CTBP2: variants seen among roughly 807,000 people sequenced by gnomAD.
The protein encoded by CTBP2 is C-terminal binding protein 2, also known as C-terminal-binding protein 2.
A neutral mutation model predicts 80.3 loss-of-function variants in CTBP2; 30 were observed. The ratio of observed to expected loss-of-function variants is 0.37; its 90% CI spans 0.28 to 0.51. The LOEUF (loss-of-function observed/expected upper bound fraction) is 0.51. CTBP2 is among the 20% of genes least tolerant of loss of function. CTBP2 has a pLI of 0.93. For synonymous variants in CTBP2, 594 were observed against 587.4 expected (o/e 1.01, Z -0.16); for missense variants, 1,212 against 1,375.3 (o/e 0.88, Z 1.88).
At chr10:125,005,891 T>C (rs530282805) in intron 1 of CTBP2, 1 of 1,523,986 alleles carries the variant, frequency 6.6e-7, no homozygotes. Flanking sequence ...TCGGAGAGAG[T>C]GCCTGATTAT....
At chr10:125,022,950 A>C (rs1253266888) in intron 1 of CTBP2, among the ~76,000 whole-genome samples, 1 of 152,194 alleles carries the variant, frequency 6.6e-6, no homozygotes, top group African/African-American at 2.4e-5. Context: ...ACAGATTCTG[A>C]TAGGGCTAAA....
chr10:125,026,117 G>T lies in CTBP2; in HGVS notation c.1643C>A (p.Pro548His), dbSNP rs761688386. The change falls in exon 1 of 9, where the codon CCC (proline) becomes CAC (histidine). Residue 548 changes from proline to histidine, a missense_variant. Physicochemically the swap from Pro to His is moderately conservative, Grantham distance 77. This residue lies in a region of CTBP2 where 848 missense variants were observed against 782.3 expected (regional missense o/e 1.08). Coordinates refer to ENST00000309035, the MANE Select transcript of CTBP2 (RefSeq NM_022802.3). ...TGCAAGCATGGTGGACACGATGATGGGTGCCCCTGTGCGCCGGGCCACCTT... is the reference window on the plus strand; with the variant it reads ...TGCAAGCATGGTGGACACGATGATGTGTGCCCCTGTGCGCCGGGCCACCTT... The T allele has an allele frequency of 2.6e-5, 41 of 1,586,894 alleles. No homozygotes were observed. In the South Asian group the frequency reaches 4.6e-4, roughly 18 times the overall value.
chr10:124,995,693 C>T (rs527766201), intron 4 of CTBP2, among the ~76,000 whole-genome samples: 8 of 152,316 alleles, frequency 5.3e-5, no homozygotes, highest in Admixed American at 2.6e-4. Context: ...TCAGGGACAG[C>T]TGCAGGACAA....
chr10:125,041,412 C>T (rs930001308), intron 2 of CTBP2, among the ~76,000 whole-genome samples: 1 of 149,736 alleles, frequency 6.7e-6, no homozygotes, highest in Admixed American at 6.7e-5. Context: ...GGTAACCACA[C>T]AAAAAAAGAG....
chr10:125,036,501 T>A (rs548129173), intron 3 of CTBP2, among the ~76,000 whole-genome samples: 3 of 120,048 alleles, frequency 2.5e-5, no homozygotes, highest in Non-Finnish European at 5.5e-5. Context: ...TTTAATCATT[T>A]AGAAAGAAAA....
intron 2 of CTBP2, among the ~76,000 whole-genome samples, chr10:125,074,768 C>T (rs1437309563): frequency 1.3e-5 from 2 of 152,204 alleles, no homozygotes; most frequent in Admixed American, 6.5e-5. Context: ...GTAGTACTTC[C>T]GTTTCCTTGG....
At chr10:125,153,661 C>T (rs577281830) in intron 1 of CTBP2, among the ~76,000 whole-genome samples, 1 of 152,318 alleles carries the variant, frequency 6.6e-6, no homozygotes, top group Admixed American at 6.5e-5. Context: ...ATTCTGGCCA[C>T]TTACACCATA....
At chr10:125,117,705 C>T (rs1213757877) in intron 1 of CTBP2, among the ~76,000 whole-genome samples, 1 of 152,216 alleles carries the variant, frequency 6.6e-6, no homozygotes. Flanking sequence ...CTGGATTATT[C>T]CTTCCCGAGA....
At chr10:125,091,046 TA>T (rs1848688994) in intron 2 of CTBP2, among the ~76,000 whole-genome samples, 1 of 152,196 alleles carries the variant, frequency 6.6e-6, no homozygotes, top group South Asian at 2.1e-4. Context: ...GATGCTAGCA[TA>T]CATGGTTCTG....
At chr10:125,010,811 G>A (rs921199497) in intron 1 of CTBP2, among the ~76,000 whole-genome samples, 7 of 152,114 alleles carry the variant, frequency 4.6e-5, no homozygotes, top group African/African-American at 1.4e-4. Context: ...CTTAGAAAGC[G>A]GTGATGGCTG....
chr10:125,061,692 C>T (rs1442233565), intron 2 of CTBP2, among the ~76,000 whole-genome samples: 1 of 152,182 alleles, frequency 6.6e-6, no homozygotes, highest in Non-Finnish European at 1.5e-5. Context: ...CAGACGGAGC[C>T]CCCGTGCAGC....
At chr10:125,058,031 C>G (rs1435084189) in intron 2 of CTBP2, among the ~76,000 whole-genome samples, 1 of 152,118 alleles carries the variant, frequency 6.6e-6, no homozygotes, top group Non-Finnish European at 1.5e-5. Flanking sequence ...CTTTTTCAGC[C>G]TTCTCCTCTA....
chr10:125,091,489 T>A (rs931124080), intron 2 of CTBP2, among the ~76,000 whole-genome samples: 1 of 152,128 alleles, frequency 6.6e-6, no homozygotes, highest in Non-Finnish European at 1.5e-5. Context: ...AAAAGTAACA[T>A]AGGCCAGGTG....
intron 2 of CTBP2, among the ~76,000 whole-genome samples, chr10:125,078,499 G>C (rs888616934): frequency 2.0e-5 from 3 of 150,474 alleles, no homozygotes; most frequent in Non-Finnish European, 3.0e-5. Context: ...CCCCAAGATT[G>C]TTCTACTTCC....
In CTBP2 at chr10:125,003,382, C is replaced by T. The variant is rs997330966; in HGVS notation, c.1789G>A (p.Val597Met). Residue 597 changes from valine (V) to methionine (M), a missense_variant, in exon 2 of 9, where the codon GTG becomes ATG. Physicochemically the swap from Val to Met is conservative, Grantham distance 21 (BLOSUM62 1). Transcript: ENST00000309035. ...GTCGACTGCGCGTCACAGAAGGCCA[C>T]AGTGGCCAGGTCCTTCAGGATGGGC... The T allele has an allele frequency of 6.2e-7, 1 of 1,609,050 alleles. No homozygotes were observed. Among genetic ancestry groups the T allele is most frequent in the Non-Finnish European group, 8.5e-7 (1 of 1,178,940 alleles).
intron 2 of CTBP2, among the ~76,000 whole-genome samples, chr10:125,040,985 A>G (rs1959568302): frequency 6.6e-6 from 1 of 152,254 alleles, no homozygotes; most frequent in Non-Finnish European, 1.5e-5. Context: ...GACTGACCAT[A>G]TCGGATCAGT....
At chr10:125,003,180 C>T in intron 2 of CTBP2, 76 bp from the exon 5 acceptor site, 1 of 1,600,904 alleles carries the variant, frequency 6.2e-7, no homozygotes, top group Non-Finnish European at 8.5e-7. Context: ...GGCCCCCTGG[C>T]CCTATCACCC....
intron 1 of CTBP2, among the ~76,000 whole-genome samples, chr10:125,021,416 A>G (rs1230855894): frequency 6.6e-6 from 1 of 152,182 alleles, no homozygotes; most frequent in African/African-American, 2.4e-5. Flanking sequence ...CTGGGCTGAA[A>G]TCATATTCCT....
intron 1 of CTBP2, among the ~76,000 whole-genome samples, chr10:125,157,111 A>G (rs1304184257): frequency 6.6e-6 from 1 of 152,222 alleles, no homozygotes; most frequent in Admixed American, 6.5e-5. Flanking sequence ...TCTTAACTTT[A>G]GAGAGATGTA....
Sources: allele counts gnomAD v4.1 joint callset (sites outside exome capture counted in the v4.1 genomes callset), GRCh38; gene constraint gnomAD v4.1.1; regional missense constraint gnomAD v4.1.1; transcripts MANE v1.5; gene names NCBI Gene and HGNC (gene_info 2026-07-23, HGNC 2026-07-21).